Variants in GPRIN3 observed in about 807,000 individuals in gnomAD.
GPRIN3 encodes the protein GPRIN family member 3.
A neutral mutation model predicts 13.7 loss-of-function variants in GPRIN3; 12 were observed. The ratio of observed to expected loss-of-function variants is 0.87; its 90% CI spans 0.56 to 1.42. The LOEUF (loss-of-function observed/expected upper bound fraction) is 1.42. Among genes scored for constraint, GPRIN3 ranks in the 40% most tolerant of loss-of-function variants. GPRIN3 has a pLI of 0.00. For synonymous variants in GPRIN3, 377 were observed against 372.7 expected, an observed-to-expected ratio of 1.01 and a Z score of -0.13; for missense variants, 1,009 against 958.7, an observed-to-expected ratio of 1.05 and a Z score of -0.69.
Position 89,249,785 on chromosome 4 carries a change from G to T in GPRIN3, c.326C>A (p.Ala109Glu). Reference sequence around the variant, plus strand: ...TGCTGCAGAACTCGGGGCTGATGCTGCGGGCTGGCTGCTCCCTGGCAGCTG... The same window carrying T: ...TGCTGCAGAACTCGGGGCTGATGCTTCGGGCTGGCTGCTCCCTGGCAGCTG... ...NPQLPGSSQP[A>E]ASAPSSAAGR... The change falls in exon 2 of 2, where the codon GCA (alanine) becomes GAA (glutamate). Residue 109 changes from alanine to glutamate, a missense_variant. By Grantham distance (107) the Ala-to-Glu change is moderately radical. Transcript: ENST00000609438. The T allele has an allele frequency of 6.2e-7, 1 of 1,614,162 alleles. No homozygotes were observed. The highest frequency in any genetic ancestry group is 1.6e-4 in the Middle Eastern group (1 of 6,062).
At chr4:89,307,269 TCA>T (rs57752539) in intron 1 of GPRIN3, among the ~76,000 whole-genome samples, 44,765 of 146,906 alleles carry the variant, frequency 0.3, 6,606 homozygotes, top group Admixed American at 0.36. Flanking sequence ...GAGACAAATG[TCA>T]CACACACACA....
In GPRIN3 at chr4:89,249,088, A is replaced by G. The variant is rs1262055762; in HGVS notation, c.1023T>C (p.Thr341=). Residue 341 remains threonine, a synonymous_variant, in exon 2 of 2, where the codon ACT becomes ACC. Coordinates refer to ENST00000609438, the MANE Select transcript of GPRIN3 (RefSeq NM_198281.3). ...GAGCACGGCTTTCCTTCAGAAATGC[A>G]GTGAGGATACTGGGGCTGGTGGAGA... ...RSVSTSPSIL[T]AFLKESRAPE... 6.2e-7 allele frequency: 1 copy of G among 1,614,074 alleles called. No individual in the cohort carries two copies. Among genetic ancestry groups the G allele is most frequent in the African/African-American group, 1.3e-5 (1 of 74,922 alleles).
At position 89,248,342 on chromosome 4, in the gene GPRIN3, T is replaced by C; in HGVS notation, c.1769A>G (p.Glu590Gly). The C allele has an allele frequency of 6.2e-7, 1 of 1,614,180 alleles. No homozygotes were observed. The highest frequency in any genetic ancestry group is 1.1e-5 in the South Asian group (1 of 91,084). ...CTGTCTGTTTTCTTCTAAGGTGCTC[T>C]CCTGGTTCTTCCTAATTGGGGAGGG... Reference protein sequence around the residue: ...PTPSPIRKNQESTLEENRQTK... With the variant: ...PTPSPIRKNQGSTLEENRQTK... The change falls in exon 2 of 2, where the codon GAG (glutamate) becomes GGG (glycine). Residue 590 changes from glutamate to glycine, a missense_variant. Glu to Gly is a moderately conservative substitution (Grantham distance 98, BLOSUM62 -2). Coordinates refer to ENST00000609438, the MANE Select transcript of GPRIN3 (RefSeq NM_198281.3).
chr4:89,255,480 G>C (rs1283787405), intron 1 of GPRIN3, among the ~76,000 whole-genome samples: 1 of 152,130 alleles, frequency 6.6e-6, no homozygotes, highest in African/African-American at 2.4e-5. Flanking sequence ...TTTGTGATGG[G>C]TATCAAGAAT....
chr4:89,251,095 C>A (rs1723313867), intron 1 of GPRIN3: 1 of 151,964 alleles, frequency 6.6e-6, no homozygotes, highest in Non-Finnish European at 1.5e-5. Context: ...TATAATATAG[C>A]AGGAGCTCTT....
At chr4:89,278,298 C>T (rs531514636) in intron 1 of GPRIN3, among the ~76,000 whole-genome samples, 4 of 152,294 alleles carry the variant, frequency 2.6e-5, no homozygotes, top group Non-Finnish European at 5.9e-5. Context: ...CCCTTATTTT[C>T]GTTCTCCAAA....
intron 1 of GPRIN3, chr4:89,250,922 G>A (rs1056965008): frequency 1.3e-5 from 2 of 152,078 alleles, no homozygotes; most frequent in Admixed American, 6.6e-5. Context: ...AGGTGAGCTA[G>A]GCTTTTTCTG....
intron 1 of GPRIN3, among the ~76,000 whole-genome samples, chr4:89,275,525 T>C (rs1044592861): frequency 6.6e-6 from 1 of 152,168 alleles, no homozygotes; most frequent in African/African-American, 2.4e-5. Flanking sequence ...AAAGGATAGC[T>C]TTCCTCTTCT....
rs1271699794 is a variant in GPRIN3, at chr4:89,242,291, AT to A, written c.*5488del. The A allele has an allele frequency of 2.0e-5, 3 of 152,202 alleles. No homozygotes were observed. The highest frequency in any genetic ancestry group is 1.3e-4 in the Admixed American group (2 of 15,276). 9.4% of individuals were successfully genotyped at this position (152,202 alleles called of 1,614,324 possible). A position where few individuals can be genotyped will look rare whatever the true frequency, so the allele number is the denominator to read the frequency against. ...GAAGCCTCTTTGGATACAAGATCTC[AT>A]GTTTTAGTGATTTTACATCCGGGAG... On this transcript the variant is annotated 3_prime_UTR_variant, in exon 2 of 2. Coordinates refer to ENST00000609438, the MANE Select transcript of GPRIN3 (RefSeq NM_198281.3).
At chr4:89,271,399 C>A (rs1185852549) in intron 1 of GPRIN3, among the ~76,000 whole-genome samples, 4 of 151,870 alleles carry the variant, frequency 2.6e-5, no homozygotes, top group Admixed American at 2.6e-4. Context: ...CATCCAGGAC[C>A]CCCACTTCAG....
intron 1 of GPRIN3, among the ~76,000 whole-genome samples, chr4:89,299,822 T>C (rs777254833): frequency 1.3e-5 from 2 of 152,190 alleles, no homozygotes; most frequent in Non-Finnish European, 2.9e-5. Context: ...TTCAGGAAGC[T>C]ATGCAAGTTT....
intron 1 of GPRIN3, among the ~76,000 whole-genome samples, chr4:89,283,737 G>A (rs1724323477): frequency 6.6e-6 from 1 of 152,196 alleles, no homozygotes; most frequent in African/African-American, 2.4e-5. Flanking sequence ...CCAGTGGGGA[G>A]GAAAGGGCAT....
chr4:89,254,128 G>GGTGGGTGTGTGT (rs1553949834), intron 1 of GPRIN3, among the ~76,000 whole-genome samples: 1 of 147,750 alleles, frequency 6.8e-6, no homozygotes, highest in Non-Finnish European at 1.5e-5. Context: ...GTTGCATCTG[G>GGTGGGTGTGTGT]GTGTGTGTGT....
At chr4:89,259,785 A>G (rs1578082623) in intron 1 of GPRIN3, among the ~76,000 whole-genome samples, 2 of 152,194 alleles carry the variant, frequency 1.3e-5, no homozygotes, top group South Asian at 2.1e-4. Flanking sequence ...CATCTTCCAA[A>G]TGCAGAGGCG....
chr4:89,284,085 G>T (rs112441931), intron 1 of GPRIN3, among the ~76,000 whole-genome samples: 2 of 152,202 alleles, frequency 1.3e-5, no homozygotes, highest in Non-Finnish European at 2.9e-5. Flanking sequence ...TGAGGTAAAC[G>T]CTATGACAGA....
chr4:89,246,171 T>C lies in GPRIN3; in HGVS notation c.*1609A>G, dbSNP rs998285074. ...AAAAAGCCAGAACAGATACTGTGAATTGACTGTACCCACGGGACACATGAG... is the reference window on the plus strand; with the variant it reads ...AAAAAGCCAGAACAGATACTGTGAACTGACTGTACCCACGGGACACATGAG... On this transcript the variant is annotated 3_prime_UTR_variant, in exon 2 of 2. Transcript: ENST00000609438. 1 of 152,222 alleles carries C rather than the reference T, an allele frequency of 6.6e-6. No homozygotes were observed. The highest frequency in any genetic ancestry group is 2.4e-5 in the African/African-American group (1 of 41,460). 9.4% of individuals were successfully genotyped at this position (152,222 alleles called of 1,614,324 possible). A position where few individuals can be genotyped will look rare whatever the true frequency, so the allele number is the denominator to read the frequency against.
chr4:89,255,490 T>C (rs1404192222), intron 1 of GPRIN3, among the ~76,000 whole-genome samples: 1 of 152,156 alleles, frequency 6.6e-6, no homozygotes, highest in Non-Finnish European at 1.5e-5. Flanking sequence ...GTATCAAGAA[T>C]ATTGCAATAG....
At chr4:89,258,258 C>CTATTTTTTTTT in intron 1 of GPRIN3, among the ~76,000 whole-genome samples, 1 of 149,558 alleles carries the variant, frequency 6.7e-6, no homozygotes, top group African/African-American at 2.5e-5. Flanking sequence ...CAGAGTCTTG[C>CTATTTTTTTTT]TCTGTCACCA....
chr4:89,266,432 T>C (rs1444074759), intron 1 of GPRIN3, among the ~76,000 whole-genome samples: 1 of 152,200 alleles, frequency 6.6e-6, no homozygotes, highest in African/African-American at 2.4e-5. Context: ...TGCATGCCAC[T>C]TACTCTTGTT....
Sources: gnomAD v4.1 joint callset for allele counts (sites outside exome capture counted in the v4.1 genomes callset) on GRCh38, gnomAD v4.1.1 for gene constraint, MANE v1.5 for transcripts, NCBI Gene and HGNC (gene_info 2026-07-23, HGNC 2026-07-21) for gene names.